The following TXNRD1 variants were observed in gnomAD, a reference collection of about 807,000 sequenced individuals.
TXNRD1 encodes thioredoxin reductase 1.
A neutral mutation model predicts 80.3 loss-of-function variants in TXNRD1; 57 were observed. The observed-to-expected ratio is 0.71, with a 90% CI of 0.57 to 0.89. TXNRD1 has a LOEUF of 0.89. Ranked by LOEUF, TXNRD1 falls within the 40% of genes least tolerant of loss-of-function variation. TXNRD1 has a pLI of 0.00. For missense variants in TXNRD1, 730 were observed against 803.0 expected (o/e 0.91, Z 1.10); for synonymous variants, 291 against 285.2 (o/e 1.02, Z -0.20).
intron 4 of TXNRD1, among the ~76,000 whole-genome samples, chr12:104,303,464 C>T (rs578209515): frequency 2.0e-5 from 3 of 152,310 alleles, no homozygotes; most frequent in East Asian, 3.9e-4. Context: ...AGCGCAGGAC[C>T]TTTAGTCTCC....
intron 15 of TXNRD1, among the ~76,000 whole-genome samples, chr12:104,335,563 GT>G (rs923237166): frequency 1.3e-5 from 2 of 151,900 alleles, no homozygotes; most frequent in Non-Finnish European, 2.9e-5. Context: ...ACCTCACAGG[GT>G]TTTTTTCCAT....
chr12:104,341,756 T>C (rs920927759), intron 16 of TXNRD1, among the ~76,000 whole-genome samples: 1 of 152,026 alleles, frequency 6.6e-6, no homozygotes, highest in Non-Finnish European at 1.5e-5. Flanking sequence ...CTGCCTGGAG[T>C]TAGCATCAGA....
intron 16 of TXNRD1, among the ~76,000 whole-genome samples, chr12:104,346,737 TAA>T (rs1463999765): frequency 2.0e-5 from 3 of 152,208 alleles, no homozygotes; most frequent in Admixed American, 2.0e-4. Flanking sequence ...GCATTGCATA[TAA>T]GAGTGCTAAT....
chr12:104,340,420 A>G (rs2036281757), intron 16 of TXNRD1, among the ~76,000 whole-genome samples: 1 of 152,172 alleles, frequency 6.6e-6, no homozygotes, highest in Admixed American at 6.5e-5. Flanking sequence ...AAAGTACCAC[A>G]AACTGGGTGG....
chr12:104,274,642 TGA>T (rs2135728512), intron 3 of TXNRD1, among the ~76,000 whole-genome samples: 1 of 151,374 alleles, frequency 6.6e-6, no homozygotes, highest in Admixed American at 6.6e-5. Flanking sequence ...GAGGTTGCAG[TGA>T]GCCAAGATCA....
At chr12:104,295,709 G>A (rs2034413563) in intron 4 of TXNRD1, among the ~76,000 whole-genome samples, 1 of 152,032 alleles carries the variant, frequency 6.6e-6, no homozygotes, top group South Asian at 2.1e-4. Flanking sequence ...CAGAATACAA[G>A]ACCAAAGTTT....
At position 104,223,910 on chromosome 12, in the gene TXNRD1, C is replaced by G. The variant is rs183622895; in HGVS notation, c.91+8017C>G. On this transcript the variant is annotated intron_variant, in intron 1 of 16. Coordinates refer to ENST00000525566, the MANE Select transcript of TXNRD1 (RefSeq NM_001093771.3). ...CAAAAGCAATTTAGTTACTCTGGCC[C>G]TGGGTGTGGGCAGAGTAGTGTGGGA... 1.9e-3 allele frequency among the ~76,000 whole-genome samples: 286 copies of G among 152,236 alleles called. 3 individuals carry two copies. The highest frequency in any genetic ancestry group is 3.9e-4 in the East Asian group (2 of 5,186).
intron 1 of TXNRD1, among the ~76,000 whole-genome samples, chr12:104,239,922 A>G (rs1260325957): frequency 1.3e-5 from 2 of 152,222 alleles, no homozygotes; most frequent in African/African-American, 2.4e-5. Context: ...TTGCATTCCC[A>G]GGACAAACCC....
chr12:104,258,943 G>T (rs1306103058), intron 3 of TXNRD1, among the ~76,000 whole-genome samples: 1 of 152,026 alleles, frequency 6.6e-6, no homozygotes, highest in Non-Finnish European at 1.5e-5. Flanking sequence ...AAACAAAAAG[G>T]ATCTGCTAGT....
intron 6 of TXNRD1, among the ~76,000 whole-genome samples, chr12:104,313,729 A>T (rs2035221064): frequency 6.6e-6 from 1 of 152,198 alleles, no homozygotes; most frequent in African/African-American, 2.4e-5. Context: ...ATATGTTCAT[A>T]ATATTTACTG....
intron 10 of TXNRD1, among the ~76,000 whole-genome samples, chr12:104,322,891 G>A (rs1249026926): frequency 6.9e-6 from 1 of 144,932 alleles, no homozygotes; most frequent in Non-Finnish European, 1.5e-5. Context: ...GTGGAGGGAA[G>A]GTCAGCAGAT....
intron 1 of TXNRD1, among the ~76,000 whole-genome samples, 183 bp downstream of exon 1, chr12:104,216,076 G>A (rs953276934): frequency 6.6e-6 from 1 of 152,196 alleles, no homozygotes; most frequent in African/African-American, 2.4e-5. Context: ...GGAGACGGAG[G>A]CCGGCGGCCG....
chr12:104,281,373 C>T (rs2033872787), intron 3 of TXNRD1, among the ~76,000 whole-genome samples: 1 of 150,068 alleles, frequency 6.7e-6, no homozygotes, highest in African/African-American at 2.5e-5. Flanking sequence ...AACTTCCTAG[C>T]AGGTCTGTAT....
In TXNRD1 at chr12:104,225,807, T is replaced by G. The variant is rs1241729081; in HGVS notation, c.91+9914T>G. On this transcript the variant is annotated intron_variant, in intron 1 of 16. Transcript: ENST00000525566. ...TAATACACCTGGATTCCTCCATCCC[T>G]TCATAAGACCTGAACAGGAAGCACT... Among the ~76,000 whole-genome samples, 3 of 152,008 alleles carry G rather than the reference T, an allele frequency of 2.0e-5. No individual in the cohort carries two copies. In the East Asian group the frequency reaches 5.8e-4, roughly 29 times the overall value.
intron 3 of TXNRD1, among the ~76,000 whole-genome samples, chr12:104,268,535 A>T (rs915373682): frequency 6.6e-6 from 1 of 151,860 alleles, no homozygotes; most frequent in Non-Finnish European, 1.5e-5. Flanking sequence ...AAAAAAAAAG[A>T]AAGAAAGAGA....
chr12:104,232,501 T>A (rs760232433), intron 1 of TXNRD1, among the ~76,000 whole-genome samples: 11 of 151,834 alleles, frequency 7.2e-5, no homozygotes, highest in Non-Finnish European at 1.3e-4. Flanking sequence ...AGGTGGAGAT[T>A]GCAGTGAGCC....
intron 1 of TXNRD1, among the ~76,000 whole-genome samples, chr12:104,233,297 C>T (rs2032663992): frequency 1.4e-5 from 1 of 69,456 alleles, no homozygotes; most frequent in African/African-American, 7.3e-5. Context: ...ATTATTTATT[C>T]TTTAACAAAA....
intron 4 of TXNRD1, among the ~76,000 whole-genome samples, chr12:104,308,781 G>A (rs1329015226): frequency 1.3e-5 from 2 of 152,032 alleles, no homozygotes; most frequent in Admixed American, 1.3e-4. Context: ...CTACTGTTTG[G>A]GGCAGCTGTT....
At chr12:104,275,362 T>C (rs1398698550) in intron 3 of TXNRD1, among the ~76,000 whole-genome samples, 1 of 151,744 alleles carries the variant, frequency 6.6e-6, no homozygotes, top group Non-Finnish European at 1.5e-5. Context: ...CTGCGGAAAA[T>C]GGCATGCTTA....
Sources: gnomAD v4.1 joint callset for allele counts (sites outside exome capture counted in the v4.1 genomes callset) on GRCh38, gnomAD v4.1.1 for gene constraint, MANE v1.5 for transcripts, NCBI Gene and HGNC (gene_info 2026-07-23, HGNC 2026-07-21) for gene names.